Variants in DOCK9 observed in about 807,000 individuals in gnomAD.
DOCK9 encodes dedicator of cytokinesis protein 9.
DOCK9 carries 89 observed loss-of-function variants against 263.3 expected under a neutral mutation model. The ratio of observed to expected loss-of-function variants is 0.34; its 90% confidence interval spans 0.28 to 0.40. The LOEUF (loss-of-function observed/expected upper bound fraction) is 0.40. DOCK9 is among the 10% of genes least tolerant of loss of function. The probability of loss-of-function intolerance (pLI) is 1.00; values close to 1 mark genes in which losing one functional copy is unlikely to be tolerated. For synonymous variants in DOCK9, 976 were observed against 973.1 expected, an observed-to-expected ratio of 1.00 and a Z score of -0.06; for missense variants, 2,140 against 2,603.4, an observed-to-expected ratio of 0.82 and a Z score of 3.87.
At chr13:98,839,759 T>C (rs2093141088) in intron 38 of DOCK9, among the ~76,000 whole-genome samples, 1 of 152,258 alleles carries the variant, frequency 6.6e-6, no homozygotes, top group African/African-American at 2.4e-5. Context: ...AATTTGGCCA[T>C]GTGCTGTTTT....
chr13:98,903,343 C>A (rs1239344422), intron 10 of DOCK9, among the ~76,000 whole-genome samples: 1 of 152,014 alleles, frequency 6.6e-6, no homozygotes, highest in African/African-American at 2.4e-5. Flanking sequence ...CCTGTAATTC[C>A]AGCACTTTGG....
At chr13:98,971,839 C>T (rs2059766529) in intron 1 of DOCK9, among the ~76,000 whole-genome samples, 1 of 152,222 alleles carries the variant, frequency 6.6e-6, no homozygotes, top group South Asian at 2.1e-4. Flanking sequence ...CTCCTGACGG[C>T]AGCTCTATTT....
chr13:98,808,882 T>C (rs1263611190), intron 47 of DOCK9, among the ~76,000 whole-genome samples: 2 of 152,168 alleles, frequency 1.3e-5, no homozygotes, highest in Non-Finnish European at 2.9e-5. Context: ...GATATTATAC[T>C]ACAAAGGATA....
At chr13:98,796,269 G>A in intron 52 of DOCK9, 1 of 1,478,452 alleles carries the variant, frequency 6.8e-7, no homozygotes, top group Non-Finnish European at 9.3e-7. Flanking sequence ...CTCACACACT[G>A]ACGTTCGTTT....
intron 1 of DOCK9, among the ~76,000 whole-genome samples, chr13:98,957,549 T>C (rs1459859995): frequency 3.7e-5 from 4 of 108,494 alleles, no homozygotes; most frequent in Non-Finnish European, 5.6e-5. Flanking sequence ...TGTATTTACA[T>C]TCAAAAAAGG....
chr13:98,817,561 G>A (rs555890312), intron 45 of DOCK9, among the ~76,000 whole-genome samples: 112 of 145,838 alleles, frequency 7.7e-4, no homozygotes, highest in Admixed American at 1.6e-3. Flanking sequence ...CCAAAGTGCT[G>A]GGATTACAGG....
Position 98,925,923 on chromosome 13 carries a change from T to C in DOCK9, c.334-4A>G, listed in dbSNP as rs1290637812. On this transcript the variant is annotated splice_polypyrimidine_tract_variant and splice_region_variant and intron_variant, in intron 3 of 52. Coordinates refer to ENST00000682017, the MANE Select transcript of DOCK9 (RefSeq NM_001366683.2). The stretch of plus-strand genomic sequence containing the variant: ...CAGAGTTATAGGTTTTGATGCACTA[T>C]TGAAGGGGGATTTTAAAAATAGAAA... The C allele has an allele frequency of 1.3e-6, 2 of 1,550,212 alleles. No homozygotes were observed. The highest frequency in any genetic ancestry group is 1.7e-6 in the Non-Finnish European group (2 of 1,149,418).
chr13:98,938,940 C>G (rs1197108694), intron 2 of DOCK9, among the ~76,000 whole-genome samples: 1 of 88,592 alleles, frequency 1.1e-5, no homozygotes, highest in Non-Finnish European at 2.9e-5. Flanking sequence ...GCTGCTGGAA[C>G]CAGTGACAAA....
chr13:99,070,186 A>G lies in DOCK9; in HGVS notation c.129+16037T>C, dbSNP rs115265555. 2.8e-3 allele frequency among the ~76,000 whole-genome samples: 431 copies of G among 152,320 alleles called. 5 individuals are homozygous for G. The highest frequency in any genetic ancestry group is 1.0e-2 in the African/African-American group (415 of 41,568). The stretch of plus-strand genomic sequence containing the variant: ...CTTCAGGAACATATTTTACATCACA[A>G]TGCCCATGTGTACAAGCACTAAGAT... On this transcript the variant is annotated intron_variant, in intron 1 of 32. Coordinates refer to the DOCK9 transcript ENST00000427887.
chr13:98,870,403 T>A (rs533173795), intron 27 of DOCK9, among the ~76,000 whole-genome samples: 4 of 152,160 alleles, frequency 2.6e-5, no homozygotes, highest in Admixed American at 2.0e-4. Context: ...AATAACTCTA[T>A]ATCCTGAGAT....
intron 1 of DOCK9, among the ~76,000 whole-genome samples, chr13:99,071,306 CTTTTTTTTTTTTT>C (rs71114578): frequency 4.1e-5 from 2 of 49,320 alleles, no homozygotes; most frequent in South Asian, 9.0e-4. Flanking sequence ...CCATGCCTGG[CTTTTTTTTTTTTT>C]TTTTTTTTTT....
intron 8 of DOCK9, among the ~76,000 whole-genome samples, chr13:98,915,083 ACC>A (rs2050670254): frequency 6.6e-6 from 1 of 152,150 alleles, no homozygotes; most frequent in Admixed American, 6.5e-5. Flanking sequence ...TGGCACTCAA[ACC>A]CAGGTCTCCC....
rs71114578 is a variant in DOCK9 at position 99,071,306 on chromosome 13, C to CTTT, written c.129+14914_129+14916dup. On this transcript the variant is annotated intron_variant, in intron 1 of 32. Coordinates refer to the DOCK9 transcript ENST00000427887. The stretch of plus-strand genomic sequence containing the variant: ...TACAGGTGCTTGCCACCATGCCTGG[C>CTTT]TTTTTTTTTTTTTTTTTTTTTTTTT... Among the ~76,000 whole-genome samples, 57 of 49,328 alleles carry CTTT rather than the reference C, an allele frequency of 1.2e-3. 4 individuals carry two copies. Among genetic ancestry groups the CTTT allele is most frequent in the Non-Finnish European group, 1.5e-3 (45 of 29,582 alleles). 32.4% of individuals were successfully genotyped at this position (49,328 alleles called of 152,430 possible).
chr13:98,876,629 T>G (rs1594884150), intron 27 of DOCK9, among the ~76,000 whole-genome samples: 1 of 152,150 alleles, frequency 6.6e-6, no homozygotes, highest in Non-Finnish European at 1.5e-5. Flanking sequence ...AATTAGGACA[T>G]AAAATTCTTC....
intron 1 of DOCK9, among the ~76,000 whole-genome samples, chr13:98,976,302 T>G (rs1293023256): frequency 6.6e-6 from 1 of 152,002 alleles, no homozygotes; most frequent in Non-Finnish European, 1.5e-5. Flanking sequence ...CTGCCTGGAG[T>G]GAGATTTACC....
rs546009511 is a variant in DOCK9 at position 98,961,452 on chromosome 13, C to T, written c.127-5901G>A. 1.6e-3 allele frequency among the ~76,000 whole-genome samples: 242 copies of T among 152,294 alleles called. 1 individual carries two copies. The highest frequency in any genetic ancestry group is 5.6e-3 in the African/African-American group (231 of 41,562). On this transcript the variant is annotated intron_variant, in intron 1 of 52. Transcript: ENST00000682017. ...CCCTTGGGTGACGGTCTACAAAGAA[C>T]GCAAATGTGGCAATGCAGCAAAAAA...
intron 1 of DOCK9, among the ~76,000 whole-genome samples, chr13:98,989,316 AATG>A (rs10536129): frequency 0.43 from 59,017 of 137,772 alleles, 13,026 homozygotes; most frequent in Admixed American, 0.51. Context: ...AATTAATAAT[AATG>A]ATGATGATGA....
chr13:98,931,803 G>T (rs1439177896), intron 2 of DOCK9, among the ~76,000 whole-genome samples: 2 of 150,924 alleles, frequency 1.3e-5, no homozygotes, highest in African/African-American at 4.9e-5. Flanking sequence ...TCACCATGTT[G>T]CCCAGGCTGG....
At position 98,825,940 on chromosome 13, in the gene DOCK9, T is replaced by A; in HGVS notation, c.5023+890A>T. On this transcript the variant is annotated intron_variant, in intron 44 of 52. Transcript: ENST00000682017. This position sits in a 1 kb window ranked among gnomAD's most constrained non-coding sequence, Gnocchi z 4.1. ...AAGGGGCGGCTCCCACTGGACTGCT[T>A]CTAAACATGAGGAAATGCATCACCT... 1.9e-6 allele frequency: 3 copies of A among 1,541,236 alleles called. No homozygotes were observed. Among genetic ancestry groups the A allele is most frequent in the Non-Finnish European group, 2.6e-6 (3 of 1,142,190 alleles).
Sources: gnomAD v4.1 joint callset for allele counts (sites outside exome capture counted in the v4.1 genomes callset) on GRCh38, gnomAD v4.1.1 for gene constraint, Gnocchi (gnomAD v3.1) non-coding constraint, MANE v1.5 for transcripts, NCBI Gene and HGNC (gene_info 2026-07-23, HGNC 2026-07-21) for gene names.